Variants in SHANK2 observed in about 807,000 individuals in gnomAD.
The protein encoded by SHANK2 is SH3 and multiple ankyrin repeat domains 2.
SHANK2 carries 43 observed loss-of-function variants against 133.7 expected under a neutral mutation model. That is an observed-to-expected ratio of 0.32 (90% CI 0.25 to 0.41). SHANK2 has a LOEUF of 0.41. SHANK2 is among the 10% of genes least tolerant of loss of function. The pLI is 1.00. For synonymous variants in SHANK2, 1,017 were observed against 952.8 expected (o/e 1.07, Z -1.24); for missense variants, 1,994 against 2,235.8 (o/e 0.89, Z 2.18).
At chr11:70,502,424 C>A in intron 18 of SHANK2, 138 bp from the exon 19 acceptor site, 1 of 787,478 alleles carries the variant, frequency 1.3e-6, no homozygotes, top group South Asian at 1.7e-5. Context: ...TGCAGGTGTG[C>A]TTATGATGGG....
chr11:70,625,162 A>G lies in SHANK2; in HGVS notation c.2061+34666T>C, dbSNP rs189170057. 2.0e-3 allele frequency among the ~76,000 whole-genome samples: 299 copies of G among 152,304 alleles called. 3 individuals are homozygous for G. The highest frequency in any genetic ancestry group is 6.8e-3 in the African/African-American group (281 of 41,572). Reference sequence around the variant, plus strand: ...CAGGCAGGCGTGGGGGGCAGAGTCCAGGAGGGTCCAGACATGGGGTGTCTG... The same window carrying G: ...CAGGCAGGCGTGGGGGGCAGAGTCCGGGAGGGTCCAGACATGGGGTGTCTG... On this transcript the variant is annotated intron_variant, in intron 17 of 25. Coordinates refer to ENST00000601538, the MANE Select transcript of SHANK2 (RefSeq NM_012309.5).
intron 10 of SHANK2, among the ~76,000 whole-genome samples, chr11:70,920,384 C>A (rs947228877): frequency 6.6e-6 from 1 of 152,140 alleles, no homozygotes; most frequent in African/African-American, 2.4e-5. Context: ...TGAACTGCCA[C>A]ACCCAGTCTA....
At chr11:70,770,240 C>G (rs2135041961) in intron 14 of SHANK2, among the ~76,000 whole-genome samples, 1 of 152,338 alleles carries the variant, frequency 6.6e-6, no homozygotes, top group East Asian at 1.9e-4. Flanking sequence ...CTGCTCTTTG[C>G]CTCTGGTGTC....
chr11:70,809,024 C>T (rs1409198158), intron 12 of SHANK2, among the ~76,000 whole-genome samples: 1 of 152,230 alleles, frequency 6.6e-6, no homozygotes, highest in African/African-American at 2.4e-5. Context: ...CAGTAAGACA[C>T]ACCTTAACAG....
chr11:71,073,671 T>C (rs1951180494), intron 9 of SHANK2, among the ~76,000 whole-genome samples: 2 of 152,086 alleles, frequency 1.3e-5, no homozygotes, highest in Non-Finnish European at 2.9e-5. Flanking sequence ...CTCACCATGT[T>C]GCCCAGGCTA....
intron 17 of SHANK2, among the ~76,000 whole-genome samples, chr11:70,621,053 A>G (rs1441108351): frequency 6.6e-6 from 1 of 152,238 alleles, no homozygotes; most frequent in Non-Finnish European, 1.5e-5. Flanking sequence ...GGATGGTAAC[A>G]GCACCTGCCT....
chr11:70,562,387 T>C (rs576208150), intron 17 of SHANK2, among the ~76,000 whole-genome samples: 2 of 152,334 alleles, frequency 1.3e-5, no homozygotes, highest in African/African-American at 2.4e-5. Context: ...TGATTATACT[T>C]GTAGTTTTAT....
At chr11:70,688,951 C>T (rs1489558620) in intron 15 of SHANK2, among the ~76,000 whole-genome samples, 1 of 152,202 alleles carries the variant, frequency 6.6e-6, no homozygotes, top group Non-Finnish European at 1.5e-5. Context: ...TGCATGAGAA[C>T]CTATGTCTAT....
At chr11:70,866,888 TG>T (rs1949367956) in intron 11 of SHANK2, among the ~76,000 whole-genome samples, 1 of 152,040 alleles carries the variant, frequency 6.6e-6, no homozygotes, top group Admixed American at 6.6e-5. Context: ...CGGCCCTCGC[TG>T]GTCTTGAGAG....
chr11:71,144,461 TA>T (rs1555106344), intron 3 of SHANK2, among the ~76,000 whole-genome samples: 1 of 152,146 alleles, frequency 6.6e-6, no homozygotes, highest in East Asian at 1.9e-4. Flanking sequence ...TCCAGCTATC[TA>T]ATGGAAAGAG....
At chr11:70,559,566 T>C (rs1300897683) in intron 17 of SHANK2, among the ~76,000 whole-genome samples, 1 of 152,160 alleles carries the variant, frequency 6.6e-6, no homozygotes, top group African/African-American at 2.4e-5. Context: ...GGGCGCTCCA[T>C]AGCTTACCTG....
intron 17 of SHANK2, among the ~76,000 whole-genome samples, chr11:70,540,548 T>C (rs558138810): frequency 2.3e-4 from 26 of 113,088 alleles, no homozygotes; most frequent in African/African-American, 9.8e-4. Context: ...AGCTTCACGA[T>C]TAGCGACGGG....
intron 3 of SHANK2, among the ~76,000 whole-genome samples, chr11:71,123,695 C>T (rs1952119288): frequency 6.6e-6 from 1 of 152,128 alleles, no homozygotes; most frequent in Admixed American, 6.5e-5. Context: ...GGTGGCTATT[C>T]CTTTATAATT....
At chr11:70,674,957 T>C (rs1425138650) in intron 15 of SHANK2, among the ~76,000 whole-genome samples, 2 of 152,376 alleles carry the variant, frequency 1.3e-5, no homozygotes, top group South Asian at 2.1e-4. Flanking sequence ...CATATAACTA[T>C]GTATAATAAA....
rs994491233 is a variant in SHANK2 at position 70,479,427 on chromosome 11, C to T, written c.4979+5887G>A. Among the ~76,000 whole-genome samples, 2 of 152,238 alleles carry T rather than the reference C, an allele frequency of 1.3e-5. No homozygotes were observed. The highest frequency in any genetic ancestry group is 2.9e-5 in the Non-Finnish European group (2 of 68,030). On this transcript the variant is annotated intron_variant, in intron 25 of 25. Transcript: ENST00000601538. This position sits in a 1 kb window ranked among gnomAD's most constrained non-coding sequence, Gnocchi z 4.4. ...GAGGCAGGTACCGTGAGGCAGCAGGCGCAGGGGCCTCGGGAGGAAAACTCG... is the reference window on the plus strand; with the variant it reads ...GAGGCAGGTACCGTGAGGCAGCAGGTGCAGGGGCCTCGGGAGGAAAACTCG...
intron 17 of SHANK2, among the ~76,000 whole-genome samples, chr11:70,650,263 AAG>A (rs2061324888): frequency 6.6e-6 from 1 of 152,196 alleles, no homozygotes; most frequent in Admixed American, 6.5e-5. Context: ...CTCCTTGTGG[AAG>A]AGATTTCTCC....
intron 17 of SHANK2, among the ~76,000 whole-genome samples, chr11:70,565,910 T>C (rs782188438): frequency 5.9e-5 from 9 of 152,120 alleles, no homozygotes; most frequent in Admixed American, 2.0e-4. Context: ...AGAGTAATAC[T>C]GTATTAGTCT....
chr11:71,092,695 C>T, intron 7 of SHANK2, 106 bp from the exon 8 acceptor site: 1 of 1,085,992 alleles, frequency 9.2e-7, no homozygotes, highest in Non-Finnish European at 1.3e-6. Context: ...CAGGTCAAGG[C>T]AACCCACACC....
At chr11:71,173,457 C>T (rs902394869) in intron 2 of SHANK2, among the ~76,000 whole-genome samples, 2 of 152,258 alleles carry the variant, frequency 1.3e-5, no homozygotes, top group African/African-American at 2.4e-5. Flanking sequence ...TGGAAATATC[C>T]TGACTGTCCA....
Sources: allele counts gnomAD v4.1 joint callset (sites outside exome capture counted in the v4.1 genomes callset), GRCh38; gene constraint gnomAD v4.1.1; non-coding constraint Gnocchi (gnomAD v3.1); transcripts MANE v1.5; gene names NCBI Gene and HGNC (gene_info 2026-07-23, HGNC 2026-07-21).